BBS9: variants seen among roughly 807,000 people sequenced by gnomAD.
The protein encoded by BBS9 is protein PTHB1.
A neutral mutation model predicts 117.7 loss-of-function variants in BBS9; 89 were observed. The ratio of observed to expected loss-of-function variants is 0.76; its 90% CI spans 0.64 to 0.90. The LOEUF is 0.90. Ranked by LOEUF, BBS9 falls within the 40% of genes least tolerant of loss-of-function variation. BBS9 has a pLI of 0.00. For synonymous variants in BBS9, 379 were observed against 370.9 expected (o/e 1.02, Z -0.25); for missense variants, 982 against 1,042.2 (o/e 0.94, Z 0.80).
rs73103571 is a variant in BBS9, at chr7:33,458,455, C to T, written c.2116-47008C>T. Among the ~76,000 whole-genome samples, 140 of 152,224 alleles carry T rather than the reference C, an allele frequency of 9.2e-4. 1 individual carries two copies. Among genetic ancestry groups the T allele is most frequent in the Non-Finnish European group, 1.1e-3 (72 of 67,998 alleles). ...AAATTTCTAGTCCATTTGTGGATTA[C>T]CTTACCACTTTGGGGAGTGTTTATA... On this transcript the variant is annotated intron_variant, in intron 19 of 22. Transcript: ENST00000242067.
At chr7:33,193,448 T>C (rs1257266821) in intron 5 of BBS9, among the ~76,000 whole-genome samples, 1 of 146,494 alleles carries the variant, frequency 6.8e-6, no homozygotes, top group Non-Finnish European at 1.5e-5. Flanking sequence ...TTTTGTAGTA[T>C]GTTTGTGGGT....
At chr7:33,478,949 A>T (rs1459669476) in intron 19 of BBS9, among the ~76,000 whole-genome samples, 3 of 148,350 alleles carry the variant, frequency 2.0e-5, no homozygotes, top group African/African-American at 7.5e-5. Flanking sequence ...TATTTGATTG[A>T]TAATGTTACT....
chr7:33,320,954 A>G (rs902661272), intron 9 of BBS9, among the ~76,000 whole-genome samples: 2 of 152,094 alleles, frequency 1.3e-5, no homozygotes, highest in African/African-American at 2.4e-5. Flanking sequence ...ATAGATATCC[A>G]GTATTCCCAG....
At chr7:33,557,362 A>G (rs745604268) in intron 21 of BBS9, among the ~76,000 whole-genome samples, 4 of 152,182 alleles carry the variant, frequency 2.6e-5, no homozygotes, top group African/African-American at 7.2e-5. Flanking sequence ...TATATTTAAT[A>G]TCTGAATCTA....
chr7:33,198,618 A>T (rs896834484), intron 5 of BBS9, among the ~76,000 whole-genome samples: 2 of 152,000 alleles, frequency 1.3e-5, no homozygotes, highest in Non-Finnish European at 2.9e-5. Flanking sequence ...CTTTCATTAT[A>T]TATCTAGCCC....
At chr7:33,149,123 GAGGGTCA>G (rs991496127) in intron 2 of BBS9, among the ~76,000 whole-genome samples, 1 of 152,182 alleles carries the variant, frequency 6.6e-6, no homozygotes, top group Non-Finnish European at 1.5e-5. Context: ...GGAGACCATG[GAGGGTCA>G]AGGGAAGTGG....
intron 1 of BBS9, among the ~76,000 whole-genome samples, chr7:33,130,749 G>T (rs551544849): frequency 6.6e-6 from 1 of 151,540 alleles, no homozygotes; most frequent in South Asian, 2.1e-4. Flanking sequence ...AAAAAAACTA[G>T]AAAACCCAGA....
chr7:33,133,430 C>A (rs993334014), intron 1 of BBS9, among the ~76,000 whole-genome samples: 1 of 152,178 alleles, frequency 6.6e-6, no homozygotes, highest in Admixed American at 6.5e-5. Context: ...TCCCCTACCC[C>A]CAGACCTAAG....
At position 33,632,621 on chromosome 7, in the gene BBS9, G is replaced by A. The variant is rs546027285; in HGVS notation, c.2522-2556G>A. On this transcript the variant is annotated intron_variant, in intron 21 of 21. Coordinates refer to the BBS9 transcript ENST00000671952. Reference sequence around the variant, plus strand: ...CAGAATGACCCATTCGGGCTTCGGTGTTTGGCTTCAGAACGACCACTGCCC... The same window carrying A: ...CAGAATGACCCATTCGGGCTTCGGTATTTGGCTTCAGAACGACCACTGCCC... 2.0e-5 allele frequency among the ~76,000 whole-genome samples: 3 copies of A among 152,178 alleles called. No individual in the cohort carries two copies. The South Asian group carries it at 6.2e-4, about 32-fold the overall frequency.
chr7:33,570,912 C>T (rs981820883), intron 21 of BBS9, among the ~76,000 whole-genome samples: 7 of 152,132 alleles, frequency 4.6e-5, no homozygotes, highest in African/African-American at 1.7e-4. Flanking sequence ...GGAATTATCA[C>T]AGACTGGAGG....
At chr7:33,586,764 T>C (rs1860966740) in intron 21 of BBS9, among the ~76,000 whole-genome samples, 1 of 152,058 alleles carries the variant, frequency 6.6e-6, no homozygotes. Flanking sequence ...TGGATACAGC[T>C]GGAAACCATT....
intron 9 of BBS9, among the ~76,000 whole-genome samples, chr7:33,324,601 T>A (rs1812455177): frequency 1.5e-5 from 1 of 67,820 alleles, no homozygotes; most frequent in Non-Finnish European, 3.6e-5. Flanking sequence ...TTAACATCCA[T>A]TTTTTTTTTT....
rs74657914 is a variant in BBS9, at chr7:33,406,358, C to A, written c.2115+18214C>A. 0.02 allele frequency among the ~76,000 whole-genome samples: 2,996 copies of A among 152,228 alleles called. 200 individuals are homozygous for A. In the East Asian group the frequency reaches 0.26, roughly 13 times the overall value. ...AGAGTTCTGTAGATGTCTATTAGGT[C>A]TGCTTGGTGCAGAGCTGAGGTCTTT... On this transcript the variant is annotated intron_variant, in intron 19 of 22. Transcript: ENST00000242067.
chr7:33,171,692 C>G (rs1391193916), intron 4 of BBS9, among the ~76,000 whole-genome samples: 1 of 152,066 alleles, frequency 6.6e-6, no homozygotes. Flanking sequence ...CGTATACAGA[C>G]AAACTCATGT....
At chr7:33,544,552 T>C (rs540046857) in intron 21 of BBS9, among the ~76,000 whole-genome samples, 5 of 152,302 alleles carry the variant, frequency 3.3e-5, no homozygotes, top group Admixed American at 6.5e-5. Context: ...GAACCGTCTG[T>C]GGGTCTCTCA....
intron 11 of BBS9, among the ~76,000 whole-genome samples, chr7:33,343,836 A>G (rs1406394728): frequency 3.3e-5 from 5 of 150,910 alleles, no homozygotes; most frequent in African/African-American, 4.9e-5. Flanking sequence ...CTCAATCTTT[A>G]TATCATTAGC....
chr7:33,603,541 A>G (rs1424197122), intron 21 of BBS9, among the ~76,000 whole-genome samples: 1 of 152,130 alleles, frequency 6.6e-6, no homozygotes, highest in African/African-American at 2.4e-5. Flanking sequence ...TACCTATTTC[A>G]TGGTGTAGTG....
chr7:33,409,609 T>TTTA (rs574076438), intron 19 of BBS9, among the ~76,000 whole-genome samples: 92 of 152,308 alleles, frequency 6.0e-4, no homozygotes, highest in Middle Eastern at 3.4e-3. Flanking sequence ...GTTGCCCTAT[T>TTTA]TTATTTTTCC....
At chr7:33,240,927 G>A (rs527364557) in intron 5 of BBS9, among the ~76,000 whole-genome samples, 5 of 152,194 alleles carry the variant, frequency 3.3e-5, no homozygotes, top group Non-Finnish European at 5.9e-5. Flanking sequence ...ATACAAAATC[G>A]AGGTCTGTGG....
Sources: allele counts gnomAD v4.1 joint callset (sites outside exome capture counted in the v4.1 genomes callset), GRCh38; gene constraint gnomAD v4.1.1; transcripts MANE v1.5; gene names NCBI Gene and HGNC (gene_info 2026-07-23, HGNC 2026-07-21).